The following SPOPL variants were observed in gnomAD, a reference collection of about 807,000 sequenced individuals.
SPOPL encodes speckle type BTB/POZ protein like.
In SPOPL, 23 loss-of-function variants were observed where a neutral mutation model predicts 53.8. The observed-to-expected ratio is 0.43, with a 90% CI of 0.31 to 0.61. SPOPL has a LOEUF of 0.61. Ranked by LOEUF, SPOPL falls within the 20% of genes least tolerant of loss-of-function variation. The probability of loss-of-function intolerance (pLI) is 0.12; values close to 1 mark genes in which losing one functional copy is unlikely to be tolerated. For missense variants in SPOPL, 442 were observed against 466.9 expected (o/e 0.95, Z 0.49); for synonymous variants, 164 against 149.7 (o/e 1.10, Z -0.70).
In SPOPL at chr2:138,512,730, T is replaced by TTTTG. The variant is rs924004643; in HGVS notation, c.-61+10627_-61+10630dup. ...CCACTTTTGCTTTGTTTTCATTGTT[T>TTTTG]TTTGTTTGTTTGTTTGTTTATTTTG... On this transcript the variant is annotated intron_variant, in intron 1 of 10. Transcript: ENST00000280098. 5.9e-4 allele frequency among the ~76,000 whole-genome samples: 90 copies of TTTTG among 152,306 alleles called. 1 individual carries two copies. Among genetic ancestry groups the TTTTG allele is most frequent in the Admixed American group, 4.1e-3 (63 of 15,292 alleles).
At chr2:138,531,766 G>C (rs1203653552) in intron 1 of SPOPL, among the ~76,000 whole-genome samples, 2 of 148,136 alleles carry the variant, frequency 1.4e-5, no homozygotes, top group Admixed American at 6.8e-5. Flanking sequence ...TTAAATTATT[G>C]GTAAAACTCT....
At chr2:138,517,533 GATCGAGACCATCCTGGCTAAC>G (rs904819832) in intron 1 of SPOPL, among the ~76,000 whole-genome samples, 2 of 152,046 alleles carry the variant, frequency 1.3e-5, no homozygotes, top group African/African-American at 4.8e-5. Flanking sequence ...AAGGTCAGGA[GATCGAGACCATCCTGGCTAAC>G]ATGGTGAAAC....
rs1246771335 is a variant in SPOPL, at chr2:138,569,179, T to C, written c.*99T>C. 19 of 1,358,836 alleles carry C rather than the reference T, an allele frequency of 1.4e-5. No homozygotes were observed. The highest frequency in any genetic ancestry group is 1.9e-5 in the Non-Finnish European group (19 of 986,648). 84.2% of individuals were successfully genotyped at this position (1,358,836 alleles called of 1,614,324 possible). ...CCATAAGCAAGAGTTGTTTCTGTTA[T>C]TTTGTCCACAGAACAGAAGCTGAAA... is the stretch of plus-strand genomic sequence containing the variant. On this transcript the variant is annotated 3_prime_UTR_variant, in exon 11 of 11. Coordinates refer to ENST00000280098, the MANE Select transcript of SPOPL (RefSeq NM_001001664.3).
At position 138,550,529 on chromosome 2, in the gene SPOPL, G is replaced by A. The variant is rs1685290783; in HGVS notation, c.125G>A (p.Ser42Asn). Residue 42 changes from serine to asparagine, a missense_variant, in exon 3 of 11, where the codon AGT becomes AAT. Physicochemically the swap from Ser to Asn is conservative, Grantham distance 46. Coordinates refer to ENST00000280098, the MANE Select transcript of SPOPL (RefSeq NM_001001664.3). ...FSYMWTINNF[S>N]FCREEMGEVL... Reference sequence around the variant, plus strand: ...TATATGTGGACCATTAATAACTTCAGTTTTTGTCGAGAGGAAATGGGTGAA... The same window carrying A: ...TATATGTGGACCATTAATAACTTCAATTTTTGTCGAGAGGAAATGGGTGAA... The A allele has an allele frequency of 6.2e-7, 1 of 1,611,944 alleles. No homozygotes were observed. The highest frequency in any genetic ancestry group is 8.5e-7 in the Non-Finnish European group (1 of 1,178,422).
chr2:138,558,910 G>T, intron 5 of SPOPL, 112 bp from the exon 6 acceptor site: 1 of 756,368 alleles, frequency 1.3e-6, no homozygotes. Flanking sequence ...TTGATTAGGA[G>T]TACATTGAAT....
rs939931478 is a variant in SPOPL, at chr2:138,571,783, C to T, written c.*2703C>T. 14 of 152,576 alleles carry T rather than the reference C, an allele frequency of 9.2e-5. No homozygotes were observed. Among genetic ancestry groups the T allele is most frequent in the African/African-American group, 2.7e-4 (11 of 41,426 alleles). 9.5% of individuals were successfully genotyped at this position (152,576 alleles called of 1,614,324 possible). On this transcript the variant is annotated 3_prime_UTR_variant, in exon 11 of 11. Coordinates refer to ENST00000280098, the MANE Select transcript of SPOPL (RefSeq NM_001001664.3). ...AGGTAGTGAATGGTTTCAAATGTTG[C>T]ATACTATAAGAATAATCATTGGGTA...
At chr2:138,519,895 TGTATGGGTG>T (rs549403834) in intron 1 of SPOPL, among the ~76,000 whole-genome samples, 1 of 152,354 alleles carries the variant, frequency 6.6e-6, no homozygotes, top group South Asian at 2.1e-4. Context: ...TGATTAATTC[TGTATGGGTG>T]GCATTTTTTG....
intron 5 of SPOPL, among the ~76,000 whole-genome samples, chr2:138,556,016 A>C (rs1341153998): frequency 6.6e-6 from 1 of 152,198 alleles, no homozygotes; most frequent in Non-Finnish European, 1.5e-5. Context: ...AGATAAAACC[A>C]AATTTTTAAC....
At chr2:138,541,215 G>A (rs1402076559) in intron 1 of SPOPL, among the ~76,000 whole-genome samples, 4 of 151,928 alleles carry the variant, frequency 2.6e-5, no homozygotes, top group Non-Finnish European at 5.9e-5. Context: ...TTTTTTTGTT[G>A]TGTCTCTGCC....
intron 1 of SPOPL, among the ~76,000 whole-genome samples, chr2:138,540,355 A>G (rs2104881841): frequency 6.6e-6 from 1 of 152,238 alleles, no homozygotes; most frequent in South Asian, 2.1e-4. Flanking sequence ...CATTTTCACG[A>G]TACTGATTCT....
intron 1 of SPOPL, among the ~76,000 whole-genome samples, chr2:138,523,874 G>A (rs1360859690): frequency 6.6e-6 from 1 of 152,176 alleles, no homozygotes; most frequent in African/African-American, 2.4e-5. Flanking sequence ...TTGAGTGTCT[G>A]CGGGTTTTCC....
At chr2:138,550,371 C>T in intron 2 of SPOPL, 77 bp downstream of exon 2, 1 of 1,593,594 alleles carries the variant, frequency 6.3e-7, no homozygotes, top group Non-Finnish European at 8.6e-7. Context: ...TTGTGAAACA[C>T]TTTGCCATAG....
At chr2:138,518,061 A>G (rs1277186218) in intron 1 of SPOPL, among the ~76,000 whole-genome samples, 39 of 151,506 alleles carry the variant, frequency 2.6e-4, no homozygotes, top group Non-Finnish European at 3.1e-4. Flanking sequence ...AAAAAAAAAA[A>G]AAAAGAAAAG....
At chr2:138,539,688 C>G (rs1360939676) in intron 1 of SPOPL, among the ~76,000 whole-genome samples, 2 of 152,236 alleles carry the variant, frequency 1.3e-5, no homozygotes, top group Middle Eastern at 6.8e-3. Context: ...CATTTTCTCC[C>G]ATTCTGTAGG....
rs1003987768 is a variant in SPOPL at position 138,561,018 on chromosome 2, T to A, written c.837+91T>A. 4.7e-5 allele frequency: 68 copies of A among 1,455,652 alleles called. 1 individual carries two copies. Among genetic ancestry groups the A allele is most frequent in the Non-Finnish European group, 4.8e-5 (52 of 1,073,596 alleles). 90.2% of individuals were successfully genotyped at this position (1,455,652 alleles called of 1,614,324 possible). On this transcript the variant is annotated intron_variant, in intron 8 of 10. Transcript: ENST00000280098. ...TCAAATGAAAACTCCAAATAACTCG[T>A]ATTTTGTAGATGGCTCTTGAGAGCT...
chr2:138,529,602 C>G (rs2104872255), intron 1 of SPOPL, among the ~76,000 whole-genome samples: 1 of 151,756 alleles, frequency 6.6e-6, no homozygotes, highest in South Asian at 2.1e-4. Context: ...TCCACTAGTA[C>G]CACTCTGTCA....
chr2:138,517,959 A>G (rs970013357), intron 1 of SPOPL, among the ~76,000 whole-genome samples: 12 of 151,386 alleles, frequency 7.9e-5, no homozygotes, highest in African/African-American at 2.7e-4. Context: ...GAGGCAGGAC[A>G]ATCACTTGAA....
intron 1 of SPOPL, among the ~76,000 whole-genome samples, chr2:138,504,341 C>G (rs974985496): frequency 7.9e-5 from 12 of 152,322 alleles, no homozygotes; most frequent in Non-Finnish European, 1.8e-4. Flanking sequence ...TCTCTCACTG[C>G]TTCCACATAG....
intron 10 of SPOPL, among the ~76,000 whole-genome samples, chr2:138,567,678 A>G (rs1685693115): frequency 6.6e-6 from 1 of 152,186 alleles, no homozygotes; most frequent in South Asian, 2.1e-4. Flanking sequence ...AAGGTTGAAT[A>G]CAGGTAGACC....
Sources: gnomAD v4.1 joint callset for allele counts (sites outside exome capture counted in the v4.1 genomes callset) on GRCh38, gnomAD v4.1.1 for gene constraint, MANE v1.5 for transcripts, NCBI Gene and HGNC (gene_info 2026-07-23, HGNC 2026-07-21) for gene names.